NTF3: variants seen among roughly 807,000 people sequenced by gnomAD.
NTF3 encodes the protein neurotrophin-3.
In NTF3, 8 loss-of-function variants were observed where a neutral mutation model predicts 26.3. The observed-to-expected ratio is 0.30, with a 90% CI of 0.18 to 0.55. The LOEUF (loss-of-function observed/expected upper bound fraction) is 0.55. Ranked by LOEUF, NTF3 falls within the 20% of genes least tolerant of loss-of-function variation. The pLI is 0.93. For synonymous variants in NTF3, 154 were observed against 145.5 expected, an observed-to-expected ratio of 1.06 and a Z score of -0.42; for missense variants, 276 against 352.9, an observed-to-expected ratio of 0.78 and a Z score of 1.75.
At chr12:5,435,549 A>T (rs1940156689) in intron 1 of NTF3, among the ~76,000 whole-genome samples, 1 of 152,118 alleles carries the variant, frequency 6.6e-6, no homozygotes, top group African/African-American at 2.4e-5. Context: ...TGTATTGGGA[A>T]GGGAGCTGGA....
chr12:5,491,122 T>C (rs1442840183), intron 1 of NTF3, among the ~76,000 whole-genome samples: 1 of 152,212 alleles, frequency 6.6e-6, no homozygotes, highest in East Asian at 1.9e-4. Flanking sequence ...TCTCTGCCAT[T>C]GTTTAGCAGT....
intron 1 of NTF3, among the ~76,000 whole-genome samples, chr12:5,483,057 T>G (rs990294359): frequency 4.0e-5 from 6 of 151,826 alleles, no homozygotes; most frequent in Non-Finnish European, 5.9e-5. Context: ...CTTTTTATCC[T>G]TTCTCTGTCT....
At chr12:5,489,458 T>G (rs1940907296) in intron 1 of NTF3, among the ~76,000 whole-genome samples, 1 of 152,218 alleles carries the variant, frequency 6.6e-6, no homozygotes, top group Non-Finnish European at 1.5e-5. Flanking sequence ...CTGACTCTGT[T>G]GCTTGTTAGC....
chr12:5,492,590 T>C (rs113120231), intron 1 of NTF3, among the ~76,000 whole-genome samples: 1 of 152,326 alleles, frequency 6.6e-6, no homozygotes, highest in Non-Finnish European at 1.5e-5. Flanking sequence ...TAGAGTCATC[T>C]CTAAGGGTGA....
upstream of NTF3, among the ~76,000 whole-genome samples, chr12:5,430,944 T>A (rs1360969586): frequency 6.6e-6 from 1 of 151,940 alleles, no homozygotes; most frequent in African/African-American, 2.4e-5. Flanking sequence ...GGCAAAACTC[T>A]GCTTCCGGGC....
intron 1 of NTF3, among the ~76,000 whole-genome samples, chr12:5,469,036 G>A (rs976056128): frequency 5.9e-5 from 9 of 152,100 alleles, no homozygotes; most frequent in Non-Finnish European, 8.8e-5. Flanking sequence ...TGGGAGGATC[G>A]CTTGAGCCTA....
intron 1 of NTF3, among the ~76,000 whole-genome samples, chr12:5,448,243 A>G (rs1288329262): frequency 6.6e-6 from 1 of 152,162 alleles, no homozygotes; most frequent in African/African-American, 2.4e-5. Context: ...CATTTTGTAG[A>G]CATGGTGCTT....
chr12:5,473,296 C>T (rs1940687572), intron 1 of NTF3, among the ~76,000 whole-genome samples: 1 of 152,172 alleles, frequency 6.6e-6, no homozygotes, highest in Non-Finnish European at 1.5e-5. Flanking sequence ...ACTGGAGCTG[C>T]AGATAGCAAG....
At position 5,474,915 on chromosome 12, in the gene NTF3, G is replaced by C. The variant is rs1325127515; in HGVS notation, c.19-19279G>C. Among the ~76,000 whole-genome samples, 15 of 152,296 alleles carry C rather than the reference G, an allele frequency of 9.8e-5. No individual in the cohort carries two copies. The East Asian group carries it at 2.1e-3, about 22-fold the overall frequency. On this transcript the variant is annotated intron_variant, in intron 1 of 1. Coordinates refer to ENST00000423158, the MANE Select transcript of NTF3 (RefSeq NM_001102654.2). ...TTTCTGGTGCTGCCTTTTCCCAAGAGAGAAAATCCGAGAGGCTGGAGGAGG... is the reference window on the plus strand; with the variant it reads ...TTTCTGGTGCTGCCTTTTCCCAAGACAGAAAATCCGAGAGGCTGGAGGAGG...
intron 1 of NTF3, among the ~76,000 whole-genome samples, chr12:5,490,737 A>G (rs1031857836): frequency 4.6e-5 from 7 of 152,100 alleles, no homozygotes; most frequent in Admixed American, 6.5e-5. Flanking sequence ...CTGGGCTTCG[A>G]GTTCATAATA....
intron 1 of NTF3, among the ~76,000 whole-genome samples, chr12:5,447,396 T>A (rs1230223581): frequency 6.6e-6 from 1 of 152,188 alleles, no homozygotes; most frequent in Non-Finnish European, 1.5e-5. Flanking sequence ...CTTCAATAAT[T>A]CCCCTGTGGG....
intron 1 of NTF3, among the ~76,000 whole-genome samples, chr12:5,459,481 A>G (rs1591597753): frequency 6.6e-6 from 1 of 152,170 alleles, no homozygotes; most frequent in Non-Finnish European, 1.5e-5. Flanking sequence ...CACCCCAGCA[A>G]GAGGCTATTT....
At position 5,433,145 on chromosome 12, in the gene NTF3, C is replaced by T. The variant is rs371805223; in HGVS notation, c.18+803C>T. 3 of 152,374 alleles carry T rather than the reference C, an allele frequency of 2.0e-5. No homozygotes were observed. The highest frequency in any genetic ancestry group is 7.2e-5 in the African/African-American group (3 of 41,550). 9.4% of individuals were successfully genotyped at this position (152,374 alleles called of 1,614,324 possible). The stretch of plus-strand genomic sequence containing the variant: ...CAGCGCCCACCCGGTGGCCACCCCA[C>T]CCTGGGCCTTTGCGCAGATGTTGGA... On this transcript the variant is annotated intron_variant, in intron 1 of 1. Transcript: ENST00000423158. This position sits in a 1 kb window ranked among gnomAD's most constrained non-coding sequence, Gnocchi z 4.6.
At chr12:5,461,335 T>C (rs975638869) in intron 1 of NTF3, among the ~76,000 whole-genome samples, 1 of 152,188 alleles carries the variant, frequency 6.6e-6, no homozygotes, top group African/African-American at 2.4e-5. Flanking sequence ...CAGTCCTCCA[T>C]GCAGCAAAAC....
At chr12:5,483,716 G>C (rs1182204205) in intron 1 of NTF3, among the ~76,000 whole-genome samples, 2 of 152,190 alleles carry the variant, frequency 1.3e-5, no homozygotes, top group Non-Finnish European at 2.9e-5. Context: ...GAATTGCTTA[G>C]GTCTTTGAGG....
chr12:5,462,482 T>C (rs1940536983), intron 1 of NTF3, among the ~76,000 whole-genome samples: 1 of 152,178 alleles, frequency 6.6e-6, no homozygotes, highest in African/African-American at 2.4e-5. Context: ...ATATATAACA[T>C]GTAAGATAAT....
intron 1 of NTF3, among the ~76,000 whole-genome samples, chr12:5,439,182 T>C (rs988337430): frequency 2.6e-5 from 4 of 152,200 alleles, no homozygotes; most frequent in African/African-American, 9.7e-5. Flanking sequence ...TAAGCATCCA[T>C]CTTTAAGATG....
rs534443936 is a variant in NTF3 at position 5,492,163 on chromosome 12, T to G, written c.19-2031T>G. Among the ~76,000 whole-genome samples the G allele has an allele frequency of 2.6e-4, 39 of 152,322 alleles. No homozygotes were observed. The South Asian group carries it at 6.0e-3, about 23-fold the overall frequency. The stretch of plus-strand genomic sequence containing the variant: ...ACCCATAAAGACTCTTACTTTTTCC[T>G]CCTCAATCCATCAGCATCAGCCAGC... On this transcript the variant is annotated intron_variant, in intron 1 of 1. Transcript: ENST00000423158.
intron 1 of NTF3, among the ~76,000 whole-genome samples, chr12:5,466,551 G>A (rs1940592059): frequency 1.3e-5 from 2 of 152,184 alleles, no homozygotes; most frequent in South Asian, 2.1e-4. Flanking sequence ...GAAGTGGCAT[G>A]TGTGTGCAAA....
Sources: gnomAD v4.1 joint callset for allele counts (sites outside exome capture counted in the v4.1 genomes callset) on GRCh38, gnomAD v4.1.1 for gene constraint, Gnocchi (gnomAD v3.1) non-coding constraint, MANE v1.5 for transcripts, NCBI Gene and HGNC (gene_info 2026-07-23, HGNC 2026-07-21) for gene names.